NTNG2: variants seen among roughly 807,000 people sequenced by gnomAD.
The protein encoded by NTNG2 is netrin-G2.
NTNG2 carries 15 observed loss-of-function variants against 47.6 expected under a neutral mutation model. The ratio of observed to expected loss-of-function variants is 0.32; its 90% CI spans 0.21 to 0.49. The LOEUF is 0.49. NTNG2 is among the 20% of genes least tolerant of loss of function. NTNG2 has a pLI of 0.99. For synonymous variants in NTNG2, 307 were observed against 324.6 expected, an observed-to-expected ratio of 0.95 and a Z score of 0.58; for missense variants, 578 against 764.6, an observed-to-expected ratio of 0.76 and a Z score of 2.88.
chr9:132,240,131 C>T (rs985332617), intron 6 of NTNG2, among the ~76,000 whole-genome samples: 1 of 152,278 alleles, frequency 6.6e-6, no homozygotes, highest in Non-Finnish European at 1.5e-5. Flanking sequence ...CACCATCACC[C>T]ATCCCCCACC....
rs1198952402 is a variant in NTNG2, at chr9:132,215,366, A to C, written c.858-11483A>C. On this transcript the variant is annotated intron_variant, in intron 3 of 7. Coordinates refer to ENST00000393229, the MANE Select transcript of NTNG2 (RefSeq NM_032536.4). The surrounding 1 kb of genome is among the most constrained non-coding windows in gnomAD (Gnocchi z 4.2). Reference sequence around the variant, plus strand: ...GAGGCCGAGGTGGGCGGATCATTTGAGGTCAGGAGTTTGAGACCAGCCTGG... The same window carrying C: ...GAGGCCGAGGTGGGCGGATCATTTGCGGTCAGGAGTTTGAGACCAGCCTGG... Among the ~76,000 whole-genome samples the C allele has an allele frequency of 1.3e-5, 2 of 151,748 alleles. No homozygotes were observed. The highest frequency in any genetic ancestry group is 2.4e-5 in the African/African-American group (1 of 41,338).
At chr9:132,202,493 T>C (rs1564413525) in intron 3 of NTNG2, among the ~76,000 whole-genome samples, 1 of 152,142 alleles carries the variant, frequency 6.6e-6, no homozygotes, top group Non-Finnish European at 1.5e-5. Flanking sequence ...CGGAGCCTGC[T>C]CCACGTGCCC....
At position 132,241,951 on chromosome 9, in the gene NTNG2, C is replaced by A. The variant is rs763698270; in HGVS notation, c.1433C>A (p.Pro478Gln). The change falls in exon 8 of 8, where the codon CCG becomes CAG. Residue 478 changes from proline to glutamine, a missense_variant. Transcript: ENST00000393229. ...CTGCAGAACCAGCGCTGCGCCTGCC[C>A]GCGCGGCTACACCGGCGTGCGCTGC... ...TCLQNQRCAC[P>Q]RGYTGVRCEQ... The A allele has an allele frequency of 2.6e-6, 4 of 1,555,952 alleles. No homozygotes were observed. Among genetic ancestry groups the A allele is most frequent in the Non-Finnish European group, 3.4e-6 (4 of 1,159,446 alleles).
chr9:132,162,531 T>TGA lies in NTNG2; in HGVS notation c.-484+296_-484+297dup, dbSNP rs199960941. ...CCCCGGGTCCTTTCCGTCGTGTGTG[T>TGA]GAGAGTGTGTGTGTGTGTGTGTGTG... On this transcript the variant is annotated intron_variant, in intron 1 of 7. Transcript: ENST00000393229. The surrounding 1 kb of genome is among the most constrained non-coding windows in gnomAD (Gnocchi z 4.6). 0.018 allele frequency among the ~76,000 whole-genome samples: 2,179 copies of TGA among 122,312 alleles called. 31 individuals carry two copies. The highest frequency in any genetic ancestry group is 0.026 in the Non-Finnish European group (1,550 of 58,848). 80.2% of individuals were successfully genotyped at this position (122,312 alleles called of 152,430 possible). A position where few individuals can be genotyped will look rare whatever the true frequency, so the allele number is the denominator to read the frequency against.
chr9:132,237,438 G>A (rs10121519), intron 5 of NTNG2, among the ~76,000 whole-genome samples: 3,597 of 152,216 alleles, frequency 0.024, 145 homozygotes, highest in African/African-American at 0.083. Context: ...CACCCCTGCC[G>A]CTGCCCCTGC....
chr9:132,203,490 C>T (rs1589455001), intron 3 of NTNG2, among the ~76,000 whole-genome samples: 1 of 152,114 alleles, frequency 6.6e-6, no homozygotes, highest in Non-Finnish European at 1.5e-5. Flanking sequence ...AGACAGTGGA[C>T]CAAACATTCC....
chr9:132,164,954 G>A (rs1835401459), intron 1 of NTNG2, among the ~76,000 whole-genome samples: 1 of 152,240 alleles, frequency 6.6e-6, no homozygotes, highest in Admixed American at 6.5e-5. Flanking sequence ...TTTCTGTCTG[G>A]GTGGAGAATG....
rs147994360 is a variant in NTNG2 at position 132,210,894 on chromosome 9, G to A, written c.857+12285G>A. The stretch of plus-strand genomic sequence containing the variant: ...CACAGATGCTCCCTTAGATGTACCC[G>A]CCAAGTCACACACACACGCAGCCAT... On this transcript the variant is annotated intron_variant, in intron 3 of 7. Coordinates refer to ENST00000393229, the MANE Select transcript of NTNG2 (RefSeq NM_032536.4). Among the ~76,000 whole-genome samples, 429 of 148,756 alleles carry A rather than the reference G, an allele frequency of 2.9e-3. 4 individuals carry two copies. The highest frequency in any genetic ancestry group is 0.011 in the African/African-American group (401 of 38,190).
intron 3 of NTNG2, among the ~76,000 whole-genome samples, chr9:132,224,189 T>C (rs1312274161): frequency 6.6e-6 from 1 of 152,138 alleles, no homozygotes; most frequent in Non-Finnish European, 1.5e-5. Flanking sequence ...TTAGAGCAGT[T>C]TTAAGTTTAC....
In NTNG2 at chr9:132,197,915, C is replaced by G; in HGVS notation, c.214-51C>G. 1 of 1,548,340 alleles carries G rather than the reference C, an allele frequency of 6.5e-7. No individual in the cohort carries two copies. Among genetic ancestry groups the G allele is most frequent in the Non-Finnish European group, 8.7e-7 (1 of 1,144,144 alleles). On this transcript the variant is annotated intron_variant, in intron 2 of 7. Transcript: ENST00000393229. This position sits in a 1 kb window ranked among gnomAD's most constrained non-coding sequence, Gnocchi z 4.3. ...CTAGGCCGCGCAGAGGCTTCCCAGG[C>G]CATCCCGAGCATCCAGCACCCACCC...
At chr9:132,219,197 C>T (rs556999245) in intron 3 of NTNG2, among the ~76,000 whole-genome samples, 1 of 142,380 alleles carries the variant, frequency 7.0e-6, no homozygotes, top group African/African-American at 2.6e-5. Context: ...GCCTGGGTGA[C>T]AGAGCAAGAC....
intron 2 of NTNG2, among the ~76,000 whole-genome samples, chr9:132,177,188 T>C (rs1053111149): frequency 5.3e-5 from 8 of 152,356 alleles, no homozygotes; most frequent in African/African-American, 1.9e-4. Context: ...GGTTTCACCA[T>C]GTTGCCCAGG....
intron 2 of NTNG2, among the ~76,000 whole-genome samples, chr9:132,177,754 T>C (rs1158248438): frequency 4.6e-5 from 7 of 151,946 alleles, no homozygotes; most frequent in Non-Finnish European, 1.0e-4. Context: ...CCCTCCCGGG[T>C]TCAAGCGATT....
At chr9:132,181,214 C>T (rs983748905) in intron 2 of NTNG2, among the ~76,000 whole-genome samples, 6 of 151,792 alleles carry the variant, frequency 4.0e-5, no homozygotes, top group Admixed American at 6.6e-5. Context: ...CTCCTGAGCA[C>T]CTGGGATCAC....
At chr9:132,200,305 G>C (rs1838649027) in intron 3 of NTNG2, among the ~76,000 whole-genome samples, 1 of 152,092 alleles carries the variant, frequency 6.6e-6, no homozygotes, top group African/African-American at 2.4e-5. Flanking sequence ...CACCTGGGGA[G>C]CCCAGCTGGG....
chr9:132,228,890 C>T (rs377281000), intron 4 of NTNG2, among the ~76,000 whole-genome samples: 1 of 152,136 alleles, frequency 6.6e-6, no homozygotes, highest in Non-Finnish European at 1.5e-5. Flanking sequence ...TTGCCCCCTG[C>T]GCCTGGAGGG....
chr9:132,228,259 C>T (rs1033569320), intron 4 of NTNG2, among the ~76,000 whole-genome samples: 3 of 152,246 alleles, frequency 2.0e-5, no homozygotes, highest in Non-Finnish European at 4.4e-5. Context: ...GCATGTCACG[C>T]GTGTGCTACA....
chr9:132,225,994 GT>G, intron 3 of NTNG2, among the ~76,000 whole-genome samples: 1 of 152,256 alleles, frequency 6.6e-6, no homozygotes, highest in South Asian at 2.1e-4. Flanking sequence ...TTCAGGTTCA[GT>G]TGCTTTGGCT....
rs112179857 is a variant in NTNG2 at position 132,162,555 on chromosome 9, T to TGTGAGAGAGA, written c.-484+317_-484+318insTGAGAGAGAG. Among the ~76,000 whole-genome samples, 1 of 139,374 alleles carries TGTGAGAGAGA rather than the reference T, an allele frequency of 7.2e-6. No homozygotes were observed. Among genetic ancestry groups the TGTGAGAGAGA allele is most frequent in the African/African-American group, 2.7e-5 (1 of 36,752 alleles). The allele number at this position is 139,374 out of a possible 152,430, so 91.4% of individuals were successfully genotyped here. ...GTGAGAGTGTGTGTGTGTGTGTGTGTGAGAGAGAGACAGAGTGTGTGTGTG... is the reference window on the plus strand; with the variant it reads ...GTGAGAGTGTGTGTGTGTGTGTGTGTGTGAGAGAGAGAGAGAGAGACAGAGTGTGTGTGTG... On this transcript the variant is annotated intron_variant, in intron 1 of 7. Transcript: ENST00000393229. This position sits in a 1 kb window ranked among gnomAD's most constrained non-coding sequence, Gnocchi z 4.6.
Sources: allele counts gnomAD v4.1 joint callset (sites outside exome capture counted in the v4.1 genomes callset), GRCh38; gene constraint gnomAD v4.1.1; non-coding constraint Gnocchi (gnomAD v3.1); transcripts MANE v1.5; gene names NCBI Gene and HGNC (gene_info 2026-07-23, HGNC 2026-07-21).